Variants in LRRTM4 observed in about 807,000 individuals in gnomAD.
The protein encoded by LRRTM4 is leucine rich repeat transmembrane neuronal 4, also known as leucine-rich repeat transmembrane neuronal protein 4.
A neutral mutation model predicts 47.6 loss-of-function variants in LRRTM4; 25 were observed. The ratio of observed to expected loss-of-function variants is 0.53; its 90% CI spans 0.38 to 0.73. LRRTM4 has a LOEUF of 0.73. LRRTM4 is among the 30% of genes least tolerant of loss of function. The probability of loss-of-function intolerance (pLI) is 0.00; values close to 1 mark genes in which losing one functional copy is unlikely to be tolerated. For missense variants in LRRTM4, 638 were observed against 713.4 expected (o/e 0.89, Z 1.20); for synonymous variants, 311 against 269.5 (o/e 1.15, Z -1.51).
chr2:77,253,085 G>T (rs1454622037), intron 3 of LRRTM4, among the ~76,000 whole-genome samples: 1 of 152,020 alleles, frequency 6.6e-6, no homozygotes, highest in Non-Finnish European at 1.5e-5. Context: ...ATACCAGGGA[G>T]GTTACACTCT....
At chr2:76,796,709 G>GA (rs1264058625) in intron 3 of LRRTM4, among the ~76,000 whole-genome samples, 5 of 146,380 alleles carry the variant, frequency 3.4e-5, no homozygotes, top group Admixed American at 3.4e-4. Flanking sequence ...CAAAGACAGG[G>GA]AAAAAACAGA....
chr2:77,339,264 T>G (rs1671280585), intron 3 of LRRTM4, among the ~76,000 whole-genome samples: 1 of 152,036 alleles, frequency 6.6e-6, no homozygotes, highest in Admixed American at 6.6e-5. Flanking sequence ...TAAAAAACTG[T>G]AATTGTTTTA....
At chr2:77,501,458 G>T (rs979211896) in intron 3 of LRRTM4, among the ~76,000 whole-genome samples, 1 of 150,456 alleles carries the variant, frequency 6.6e-6, no homozygotes, top group Non-Finnish European at 1.5e-5. Flanking sequence ...ATTAAATGAC[G>T]TGAAATTGGG....
At chr2:76,804,880 A>C (rs938512825) in intron 3 of LRRTM4, among the ~76,000 whole-genome samples, 2 of 151,838 alleles carry the variant, frequency 1.3e-5, no homozygotes, top group Admixed American at 1.3e-4. Flanking sequence ...AAAGCCTGCC[A>C]CAAGATAATT....
chr2:77,429,699 C>A (rs962970351), intron 3 of LRRTM4, among the ~76,000 whole-genome samples: 1 of 151,968 alleles, frequency 6.6e-6, no homozygotes, highest in African/African-American at 2.4e-5. Context: ...TTATCAGGAG[C>A]TGGGACAGAA....
intron 3 of LRRTM4, among the ~76,000 whole-genome samples, chr2:76,847,937 G>A (rs1012439023): frequency 1.3e-5 from 2 of 152,046 alleles, no homozygotes; most frequent in Admixed American, 1.3e-4. Flanking sequence ...TCCCTATGGG[G>A]CACTCTAGTA....
At chr2:77,316,068 CA>C (rs1396320798) in intron 3 of LRRTM4, among the ~76,000 whole-genome samples, 2 of 152,156 alleles carry the variant, frequency 1.3e-5, no homozygotes, top group South Asian at 4.1e-4. Context: ...GCAATAAAAT[CA>C]ACTTCTGTCT....
At chr2:77,518,096 C>T (rs1679291254) in intron 3 of LRRTM4, 1 of 1,274,402 alleles carries the variant, frequency 7.8e-7, no homozygotes, top group Non-Finnish European at 9.9e-7. Flanking sequence ...TCCAACTTAT[C>T]CTTGAATGAA....
At chr2:77,181,722 A>C (rs1673350876) in intron 3 of LRRTM4, among the ~76,000 whole-genome samples, 1 of 152,130 alleles carries the variant, frequency 6.6e-6, no homozygotes, top group Non-Finnish European at 1.5e-5. Context: ...TATCTTAACT[A>C]ATAAATTTAT....
intron 3 of LRRTM4, among the ~76,000 whole-genome samples, chr2:77,137,429 G>A (rs982193585): frequency 6.6e-6 from 1 of 151,886 alleles, no homozygotes; most frequent in African/African-American, 2.4e-5. Flanking sequence ...AATGCTGAGA[G>A]ATTTTGTCAC....
At chr2:77,108,829 C>T (rs1362355521) in intron 3 of LRRTM4, among the ~76,000 whole-genome samples, 4 of 151,982 alleles carry the variant, frequency 2.6e-5, no homozygotes, top group South Asian at 4.1e-4. Flanking sequence ...GTGATCCGCC[C>T]GCCTCGGCCT....
chr2:77,164,119 A>G (rs1343055064), intron 3 of LRRTM4, among the ~76,000 whole-genome samples: 2 of 152,202 alleles, frequency 1.3e-5, no homozygotes, highest in Non-Finnish European at 2.9e-5. Context: ...AGGAAAATCT[A>G]CCAAGCAAAT....
intron 3 of LRRTM4, among the ~76,000 whole-genome samples, chr2:77,054,627 C>T (rs1679543998): frequency 6.6e-6 from 1 of 152,118 alleles, no homozygotes; most frequent in Admixed American, 6.5e-5. Context: ...TTTGACACTC[C>T]CAATAAGTAC....
chr2:77,325,380 G>A lies in LRRTM4; in HGVS notation c.1551+192938C>T, dbSNP rs144468989. ...GCCAAGACGTGAGTTCAGTTTGGGA[G>A]GCACTGGGTTTGAGACCTATAAGAA... On this transcript the variant is annotated intron_variant, in intron 3 of 3. Transcript: ENST00000409884. Among the ~76,000 whole-genome samples, 342 of 152,258 alleles carry A rather than the reference G, an allele frequency of 2.2e-3. 3 individuals are homozygous for A. Among genetic ancestry groups the A allele is most frequent in the African/African-American group, 7.8e-3 (322 of 41,544 alleles).
chr2:76,775,857 C>T (rs1673955069), intron 3 of LRRTM4, among the ~76,000 whole-genome samples: 2 of 152,068 alleles, frequency 1.3e-5, no homozygotes, highest in Non-Finnish European at 2.9e-5. Context: ...GCTGCACCCA[C>T]TAACTCGTCA....
At chr2:77,226,177 C>A (rs1674799999) in intron 3 of LRRTM4, among the ~76,000 whole-genome samples, 1 of 151,708 alleles carries the variant, frequency 6.6e-6, no homozygotes, top group Non-Finnish European at 1.5e-5. Flanking sequence ...AAAACAATTA[C>A]AATTCCTCTA....
chr2:76,957,253 G>C (rs1450661028), intron 3 of LRRTM4, among the ~76,000 whole-genome samples: 2 of 151,660 alleles, frequency 1.3e-5, no homozygotes, highest in African/African-American at 4.8e-5. Context: ...ACCAGGGTCT[G>C]AAACAGGGCA....
At chr2:77,341,922 T>C (rs1210970710) in intron 3 of LRRTM4, among the ~76,000 whole-genome samples, 3 of 151,966 alleles carry the variant, frequency 2.0e-5, no homozygotes, top group Admixed American at 1.3e-4. Context: ...AGGGGCTTAA[T>C]AGAATATACA....
intron 3 of LRRTM4, among the ~76,000 whole-genome samples, chr2:77,135,608 A>G (rs138800117): frequency 2.0e-5 from 3 of 152,180 alleles, no homozygotes; most frequent in African/African-American, 7.2e-5. Context: ...TCTTTACTTC[A>G]TTTCATTTTA....
Sources: gnomAD v4.1 joint callset for allele counts (sites outside exome capture counted in the v4.1 genomes callset) on GRCh38, gnomAD v4.1.1 for gene constraint, MANE v1.5 for transcripts, NCBI Gene and HGNC (gene_info 2026-07-23, HGNC 2026-07-21) for gene names.